Variants in KDM4C observed in about 807,000 individuals in gnomAD.
The protein encoded by KDM4C is lysine-specific demethylase 4C.
Under a neutral mutation model 129.3 loss-of-function variants are expected in KDM4C, and 81 were observed. That is an observed-to-expected ratio of 0.63 (90% confidence interval 0.52 to 0.75). The LOEUF is 0.75. Among genes scored for constraint, KDM4C ranks in the 30% least tolerant of loss-of-function variants. The probability of loss-of-function intolerance (pLI) is 0.00; values close to 1 mark genes in which losing one functional copy is unlikely to be tolerated. For synonymous variants in KDM4C, 573 were observed against 456.1 expected (o/e 1.26, Z -3.26); for missense variants, 1,457 against 1,304.0 (o/e 1.12, Z -1.81).
At chr9:7,119,137 G>C (rs1159494890) in intron 18 of KDM4C, among the ~76,000 whole-genome samples, 1 of 151,982 alleles carries the variant, frequency 6.6e-6, no homozygotes, top group Non-Finnish European at 1.5e-5. Context: ...ACCTATTTTA[G>C]CTTCCATAAC....
At chr9:7,159,741 C>G (rs1471651054) in intron 19 of KDM4C, among the ~76,000 whole-genome samples, 2 of 152,162 alleles carry the variant, frequency 1.3e-5, no homozygotes, top group African/African-American at 4.8e-5. Flanking sequence ...GTAACCCTAT[C>G]TTTCTCTTGG....
intron 8 of KDM4C, chr9:6,925,303 A>G: frequency 2.0e-6 from 2 of 985,378 alleles, no homozygotes; most frequent in Non-Finnish European, 2.4e-6. Flanking sequence ...AATGGAGGTC[A>G]AATAAAGGAG....
intron 4 of KDM4C, among the ~76,000 whole-genome samples, chr9:6,839,562 T>TA (rs1473809615): frequency 6.6e-6 from 1 of 152,002 alleles, no homozygotes; most frequent in Non-Finnish European, 1.5e-5. Flanking sequence ...TTAAAATTCT[T>TA]AAAAATGAGT....
intron 17 of KDM4C, among the ~76,000 whole-genome samples, chr9:7,052,144 C>T (rs889690067): frequency 1.3e-5 from 2 of 152,126 alleles, no homozygotes; most frequent in Admixed American, 6.6e-5. Context: ...AAAAACAAAC[C>T]TGGATTTTTT....
intron 1 of KDM4C, among the ~76,000 whole-genome samples, chr9:6,761,583 G>C (rs1011533343): frequency 6.6e-6 from 1 of 152,178 alleles, no homozygotes; most frequent in Non-Finnish European, 1.5e-5. Context: ...GCCTCCCAAA[G>C]TGCTAGGATG....
In KDM4C at chr9:7,168,523, T is replaced by G. The variant is rs1212015837; in HGVS notation, c.2902-1275T>G. On this transcript the variant is annotated intron_variant, in intron 20 of 21. Transcript: ENST00000381309. ...TTTACCTTTTCTTTGACAAAATCTT[T>G]TAAAATGTTAAAAACAATTGGTTAT... Among the ~76,000 whole-genome samples, 5 of 152,338 alleles carry G rather than the reference T, an allele frequency of 3.3e-5. No individual in the cohort carries two copies. In the East Asian group the frequency reaches 9.6e-4, roughly 29 times the overall value.
chr9:7,011,739 A>C lies in KDM4C; in HGVS notation c.1828A>C (p.Thr610Pro). ...VLSIEEEVEE[T>P]ESWAKPLIHL... ...GTCCATTGAGGAGGAAGTGGAAGAA[A>C]CAGAGTCTTGGGCGAAACCTCTCAT... The change falls in exon 13 of 22, where the codon ACA becomes CCA. Residue 610 changes from threonine (T) to proline (P), a missense_variant. Thr to Pro is a conservative substitution (Grantham distance 38). Coordinates refer to ENST00000381309, the MANE Select transcript of KDM4C (RefSeq NM_015061.6). 1 of 1,614,148 alleles carries C rather than the reference A, an allele frequency of 6.2e-7. No homozygotes were observed. The highest frequency in any genetic ancestry group is 2.2e-5 in the East Asian group (1 of 44,876).
chr9:7,128,280 A>C, intron 19 of KDM4C, 44 bp downstream of exon 19: 2 of 1,418,374 alleles, frequency 1.4e-6, no homozygotes. Context: ...AGTAATTTAA[A>C]AAAAAAAACC....
At chr9:6,785,392 A>G (rs1825269067) in intron 1 of KDM4C, among the ~76,000 whole-genome samples, 1 of 150,082 alleles carries the variant, frequency 6.7e-6, no homozygotes, top group South Asian at 2.1e-4. Context: ...GCTGGAGTGC[A>G]GTGGTGCGAT....
At chr9:6,757,293 T>C (rs77412238), upstream of KDM4C, among the ~76,000 whole-genome samples, 2,416 of 152,204 alleles carry the variant, frequency 0.016, 35 homozygotes, top group Middle Eastern at 0.082. Context: ...AGGATTCCTA[T>C]TGGGGTCACC....
chr9:7,068,021 C>T (rs1174522921), intron 17 of KDM4C, among the ~76,000 whole-genome samples: 3 of 152,284 alleles, frequency 2.0e-5, no homozygotes, highest in Admixed American at 1.3e-4. Flanking sequence ...TGGTCTCGAT[C>T]TCCTGACCTC....
intron 19 of KDM4C, among the ~76,000 whole-genome samples, chr9:7,135,236 C>G (rs906922405): frequency 7.5e-6 from 1 of 134,186 alleles, no homozygotes; most frequent in Non-Finnish European, 1.7e-5. Context: ...CAAAGACAGA[C>G]TGACAGTTAC....
At chr9:6,736,754 A>G (rs1817538732) in intron 1 of KDM4C, among the ~76,000 whole-genome samples, 1 of 152,186 alleles carries the variant, frequency 6.6e-6, no homozygotes, top group Non-Finnish European at 1.5e-5. Context: ...AAATCAGTAT[A>G]CAGAAATCAG....
chr9:7,046,500 G>A (rs1829417082), intron 15 of KDM4C, among the ~76,000 whole-genome samples: 1 of 151,994 alleles, frequency 6.6e-6, no homozygotes, highest in Admixed American at 6.6e-5. Context: ...ACCGTCGTGT[G>A]TGCATTCTCT....
chr9:6,781,097 T>C (rs1824243539), intron 1 of KDM4C, among the ~76,000 whole-genome samples: 2 of 152,164 alleles, frequency 1.3e-5, no homozygotes, highest in East Asian at 1.9e-4. Flanking sequence ...GGGAAGTGAT[T>C]GTGCCAGGCT....
chr9:7,016,433 T>TC (rs2132197663), intron 15 of KDM4C, among the ~76,000 whole-genome samples: 1 of 147,860 alleles, frequency 6.8e-6, no homozygotes, highest in East Asian at 2.0e-4. Context: ...GGCTTTTTTT[T>TC]TTTTTTTTTT....
At chr9:7,000,828 T>G (rs1169879396) in intron 12 of KDM4C, among the ~76,000 whole-genome samples, 2 of 152,246 alleles carry the variant, frequency 1.3e-5, no homozygotes, top group African/African-American at 4.8e-5. Context: ...CATTGTTACT[T>G]TCACCTTTTC....
At chr9:7,121,178 G>A (rs1206907714) in intron 18 of KDM4C, among the ~76,000 whole-genome samples, 1 of 152,122 alleles carries the variant, frequency 6.6e-6, no homozygotes, top group Admixed American at 6.6e-5. Context: ...TGATTCTGTG[G>A]GTTATCAATT....
At chr9:6,852,598 C>T (rs1336766562) in intron 5 of KDM4C, among the ~76,000 whole-genome samples, 3 of 152,226 alleles carry the variant, frequency 2.0e-5, no homozygotes, top group Non-Finnish European at 2.9e-5. Flanking sequence ...TGAGCTGTAT[C>T]TCCCCTTCAG....
Sources: gnomAD v4.1 joint callset for allele counts (sites outside exome capture counted in the v4.1 genomes callset) on GRCh38, gnomAD v4.1.1 for gene constraint, MANE v1.5 for transcripts, NCBI Gene and HGNC (gene_info 2026-07-23, HGNC 2026-07-21) for gene names.